ITGA6: variants seen among roughly 807,000 people sequenced by gnomAD.
ITGA6 encodes the protein integrin subunit alpha 6, also known as integrin alpha-6.
A neutral mutation model predicts 133.6 loss-of-function variants in ITGA6; 63 were observed. That is an observed-to-expected ratio of 0.47 (90% CI 0.38 to 0.58). ITGA6 has a LOEUF of 0.58. ITGA6 is among the 20% of genes least tolerant of loss of function. The pLI is 0.00. For missense variants in ITGA6, 1,068 were observed against 1,309.4 expected (o/e 0.82, Z 2.85); for synonymous variants, 434 against 482.0 (o/e 0.90, Z 1.30).
Position 172,472,972 on chromosome 2 carries a change from T to A in ITGA6, c.776-1083T>A, listed in dbSNP as rs1348041298. ...TTTTTTGATCCATACAGAGCATAAA[T>A]CTTTTTATGCCCTATTTTGTTTCCA... On this transcript the variant is annotated intron_variant, in intron 5 of 25. Transcript: ENST00000684293. The A allele has an allele frequency of 1.6e-5, 13 of 820,916 alleles. No individual in the cohort carries two copies. In the African/African-American group the frequency reaches 2.2e-4, roughly 14 times the overall value. The allele number at this position is 820,916 out of a possible 1,614,324, so 50.9% of individuals were successfully genotyped here.
intron 1 of ITGA6, among the ~76,000 whole-genome samples, chr2:172,458,502 C>T (rs1685305056): frequency 6.6e-6 from 1 of 152,052 alleles, no homozygotes; most frequent in Admixed American, 6.5e-5. Context: ...ATGCTGGGAC[C>T]CCAAGAATTA....
rs145895441 is a variant in ITGA6, at chr2:172,429,592, A to T, written c.182+1622A>T. Among the ~76,000 whole-genome samples the T allele has an allele frequency of 3.0e-3, 458 of 152,336 alleles. 2 individuals are homozygous for T. The highest frequency in any genetic ancestry group is 0.011 in the African/African-American group (440 of 41,574). On this transcript the variant is annotated intron_variant, in intron 1 of 25. Transcript: ENST00000684293. ...GAGATTTGCGAAACGTGACTTTGCC[A>T]GGAATCTGTGTCGTGAAGGTTAGCA...
intron 1 of ITGA6, among the ~76,000 whole-genome samples, chr2:172,434,026 G>A (rs1341791729): frequency 1.3e-5 from 2 of 152,108 alleles, no homozygotes; most frequent in Non-Finnish European, 2.9e-5. Context: ...GACCTTGAAA[G>A]CACCCCCACA....
At chr2:172,428,019 C>G (rs754921421) in intron 1 of ITGA6, 49 bp downstream of exon 1, 1 of 1,564,570 alleles carries the variant, frequency 6.4e-7, no homozygotes, top group Non-Finnish European at 8.7e-7. Context: ...GGCCTGCGCG[C>G]GAGTTGAGGC....
At chr2:172,463,378 C>T (rs1366084396) in intron 1 of ITGA6, among the ~76,000 whole-genome samples, 1 of 152,118 alleles carries the variant, frequency 6.6e-6, no homozygotes, top group Non-Finnish European at 1.5e-5. Flanking sequence ...AAATCTCTTA[C>T]CCAGCCTTCA....
intron 5 of ITGA6, among the ~76,000 whole-genome samples, chr2:172,473,402 C>A (rs1255029657): frequency 6.6e-6 from 1 of 152,148 alleles, no homozygotes; most frequent in East Asian, 1.9e-4. Context: ...ATACTAGGTT[C>A]TCAAATACCA....
chr2:172,500,412 C>T (rs534789674), intron 24 of ITGA6, among the ~76,000 whole-genome samples: 3 of 152,172 alleles, frequency 2.0e-5, no homozygotes, highest in African/African-American at 4.8e-5. Flanking sequence ...AGGTGGATCA[C>T]GACGTCAGGA....
chr2:172,449,647 T>C (rs988789674), intron 1 of ITGA6, among the ~76,000 whole-genome samples: 20 of 152,130 alleles, frequency 1.3e-4, no homozygotes, highest in African/African-American at 4.6e-4. Context: ...AGGGCCTCTG[T>C]GAGAAAGGGG....
Position 172,506,270 on chromosome 2 carries a change from T to C in ITGA6, c.*2202T>C, listed in dbSNP as rs1687559385. 6.6e-6 allele frequency: 1 copy of C among 152,670 alleles called. No individual in the cohort carries two copies. Among genetic ancestry groups the C allele is most frequent in the Admixed American group, 6.5e-5 (1 of 15,292 alleles). 9.5% of individuals were successfully genotyped at this position (152,670 alleles called of 1,614,324 possible). A position where few individuals can be genotyped will look rare whatever the true frequency, so the allele number is the denominator to read the frequency against. ...TAAATGACAACCTGAATTATCTATT[T>C]CATCAAACCAAAGTTCAGTGTTTTT... is the stretch of plus-strand genomic sequence containing the variant. On this transcript the variant is annotated 3_prime_UTR_variant, in exon 26 of 26. Coordinates refer to ENST00000684293, the MANE Select transcript of ITGA6 (RefSeq NM_000210.4).
chr2:172,484,365 C>A (rs894267864), intron 11 of ITGA6, among the ~76,000 whole-genome samples: 4 of 150,920 alleles, frequency 2.7e-5, no homozygotes, highest in African/African-American at 9.8e-5. Flanking sequence ...TCCCAGATAG[C>A]AAAGGCACGA....
Position 172,483,936 on chromosome 2 carries a change from G to T in ITGA6, c.1550-846G>T, listed in dbSNP as rs150193675. On this transcript the variant is annotated intron_variant, in intron 11 of 25. Coordinates refer to ENST00000684293, the MANE Select transcript of ITGA6 (RefSeq NM_000210.4). Reference sequence around the variant, plus strand: ...AGCGATTCTCCTGCCTCAGCCTCCCGAGTAGCTGGGATTACAGGCATGCGC... The same window carrying T: ...AGCGATTCTCCTGCCTCAGCCTCCCTAGTAGCTGGGATTACAGGCATGCGC... Among the ~76,000 whole-genome samples, 226 of 152,208 alleles carry T rather than the reference G, an allele frequency of 1.5e-3. 1 individual carries two copies. The highest frequency in any genetic ancestry group is 4.5e-3 in the African/African-American group (186 of 41,522).
chr2:172,465,688 G>A (rs372458532), intron 2 of ITGA6, 25 bp downstream of exon 2: 19 of 1,613,912 alleles, frequency 1.2e-5, no homozygotes, highest in South Asian at 1.1e-5. Context: ...CTCACTCAGC[G>A]TTCACTCCGG....
intron 1 of ITGA6, among the ~76,000 whole-genome samples, chr2:172,433,531 C>G (rs1453147920): frequency 6.6e-6 from 1 of 152,144 alleles, no homozygotes; most frequent in Non-Finnish European, 1.5e-5. Context: ...AGCTAGTATC[C>G]TCGCACATTA....
rs755052791 is a variant in ITGA6, at chr2:172,474,177, C to T, written c.898C>T (p.His300Tyr). ...GCTGAAGAGAGACATGAAGTCTGCA[C>T]ATCTCCTCCCTGAGCACATATTCGA... ...VLLKRDMKSA[H>Y]LLPEHIFDGE... The change falls in exon 6 of 26, where the codon CAT (histidine) becomes TAT (tyrosine). Residue 300 changes from histidine to tyrosine, a missense_variant. Transcript: ENST00000684293. 41 of 1,614,020 alleles carry T rather than the reference C, an allele frequency of 2.5e-5. No individual in the cohort carries two copies. The highest frequency in any genetic ancestry group is 3.2e-5 in the Non-Finnish European group (38 of 1,180,032).
At chr2:172,472,935 CATTAA>C (rs780946711) in intron 5 of ITGA6, 6 of 1,272,666 alleles carry the variant, frequency 4.7e-6, no homozygotes, top group Non-Finnish European at 5.7e-6. Context: ...TGGTTGTGGT[CATTAA>C]ATTTTTTTTT....
chr2:172,452,780 C>G (rs537990227), intron 1 of ITGA6, among the ~76,000 whole-genome samples: 11 of 152,318 alleles, frequency 7.2e-5, no homozygotes, highest in African/African-American at 2.6e-4. Flanking sequence ...GGGTAAGTTA[C>G]AGATAAGGGC....
intron 1 of ITGA6, among the ~76,000 whole-genome samples, chr2:172,463,507 C>T (rs548279945): frequency 6.6e-6 from 1 of 152,272 alleles, no homozygotes; most frequent in South Asian, 2.1e-4. Context: ...AAGTTTTGCC[C>T]TTTCAACTAG....
chr2:172,444,606 A>G (rs1392139417), intron 1 of ITGA6, among the ~76,000 whole-genome samples: 1 of 96,604 alleles, frequency 1.0e-5, no homozygotes, highest in Non-Finnish European at 2.0e-5. Flanking sequence ...CCCCCCGCCA[A>G]AAAAAACCAA....
chr2:172,486,718 G>T (rs1686694904), intron 13 of ITGA6, among the ~76,000 whole-genome samples: 1 of 152,160 alleles, frequency 6.6e-6, no homozygotes, highest in South Asian at 2.1e-4. Context: ...ACTCTGAAAG[G>T]TTAAGTGACT....
Sources: gnomAD v4.1 joint callset for allele counts (sites outside exome capture counted in the v4.1 genomes callset) on GRCh38, gnomAD v4.1.1 for gene constraint, MANE v1.5 for transcripts, NCBI Gene and HGNC (gene_info 2026-07-23, HGNC 2026-07-21) for gene names.